The following TRPM2 variants were observed in gnomAD, a reference collection of about 807,000 sequenced individuals.
The protein encoded by TRPM2 is transient receptor potential cation channel subfamily M member 2, also known as estrogen-responsive element-associated gene 1 protein.
Under a neutral mutation model 174.0 loss-of-function variants are expected in TRPM2, and 161 were observed. The observed-to-expected ratio is 0.93, with a 90% CI of 0.81 to 1.05. The LOEUF (loss-of-function observed/expected upper bound fraction) is 1.05. Ranked by LOEUF, TRPM2 falls within the 50% of genes least tolerant of loss-of-function variation. The probability of loss-of-function intolerance (pLI) is 0.00; values close to 1 mark genes in which losing one functional copy is unlikely to be tolerated. For missense variants in TRPM2, 2,057 were observed against 2,038.0 expected (o/e 1.01, Z -0.18); for synonymous variants, 954 against 861.3 (o/e 1.11, Z -1.88).
Position 44,438,062 on chromosome 21 carries a change from T to C in TRPM2, c.4167+895T>C, listed in dbSNP as rs2051346517. ...TGGGAGTGTGTGTGCCACCACGGTG[T>C]GCAGGGCAGCAGTGCCACAAGGGCC... is the stretch of plus-strand genomic sequence containing the variant. On this transcript the variant is annotated intron_variant, in intron 29 of 31. Transcript: ENST00000397928. This position sits in a 1 kb window ranked among gnomAD's most constrained non-coding sequence, Gnocchi z 5.9. 6.6e-6 allele frequency among the ~76,000 whole-genome samples: 1 copy of C among 152,204 alleles called. No homozygotes were observed. Among genetic ancestry groups the C allele is most frequent in the African/African-American group, 2.4e-5 (1 of 41,460 alleles).
In TRPM2 at chr21:44,364,293, A is replaced by G. The variant is rs1361684606; in HGVS notation, c.423+11A>G. The G allele has an allele frequency of 1.2e-6, 2 of 1,613,430 alleles. No individual in the cohort carries two copies. Among genetic ancestry groups the G allele is most frequent in the Admixed American group, 1.7e-5 (1 of 59,990 alleles). Reference sequence around the variant, plus strand: ...CAGAAGGTGAAAAAGGTTGGTTTCCATCACTCTCGCTCTGAACTGTAGGTG... The same window carrying G: ...CAGAAGGTGAAAAAGGTTGGTTTCCGTCACTCTCGCTCTGAACTGTAGGTG... On this transcript the variant is annotated intron_variant, in intron 3 of 31. Transcript: ENST00000397928.
At chr21:44,375,444 G>T (rs976648186) in intron 5 of TRPM2, among the ~76,000 whole-genome samples, 1 of 152,294 alleles carries the variant, frequency 6.6e-6, no homozygotes, top group Non-Finnish European at 1.5e-5. Context: ...CAGCATTGTG[G>T]TCTCTCACGT....
intron 19 of TRPM2, among the ~76,000 whole-genome samples, chr21:44,408,088 G>A (rs985040288): frequency 1.3e-5 from 2 of 151,870 alleles, no homozygotes; most frequent in Non-Finnish European, 2.9e-5. Context: ...TGGGATTACA[G>A]GCACCTGCTA....
chr21:44,405,509 T>C (rs926470168), intron 17 of TRPM2, among the ~76,000 whole-genome samples: 4 of 152,188 alleles, frequency 2.6e-5, no homozygotes, highest in Non-Finnish European at 4.4e-5. Flanking sequence ...GGGCCATAGA[T>C]GGCAACCTCT....
rs2146160100 is a variant in TRPM2 at position 44,367,715 on chromosome 21, T to C, written c.604+781T>C. The stretch of plus-strand genomic sequence containing the variant: ...TAGAGTCACCCTGCTCTTCCTGGGG[T>C]CTGGGGTCTGGTCTTTGCCTCGCAG... On this transcript the variant is annotated intron_variant, in intron 4 of 31. Transcript: ENST00000397928. This position sits in a 1 kb window ranked among gnomAD's most constrained non-coding sequence, Gnocchi z 4.6. Among the ~76,000 whole-genome samples, 1 of 152,302 alleles carries C rather than the reference T, an allele frequency of 6.6e-6. No individual in the cohort carries two copies. The highest frequency in any genetic ancestry group is 1.9e-4 in the East Asian group (1 of 5,176).
intron 24 of TRPM2, chr21:44,425,206 T>G (rs2050711673): frequency 8.0e-6 from 4 of 499,872 alleles, no homozygotes; most frequent in Admixed American, 6.8e-5. Context: ...GCTCCCCACA[T>G]ACCGCACTGC....
Position 44,354,243 on chromosome 21 carries a change from T to A in TRPM2, c.165+378T>A, listed in dbSNP as rs1395876505. Among the ~76,000 whole-genome samples, 6 of 152,178 alleles carry A rather than the reference T, an allele frequency of 3.9e-5. No homozygotes were observed. Among genetic ancestry groups the A allele is most frequent in the Non-Finnish European group, 7.4e-5 (5 of 68,026 alleles). Reference sequence around the variant, plus strand: ...AGCCCTGGATACAAAGACACAAGTATGTTGAAAGCACATGGCATCTTGCAG... The same window carrying A: ...AGCCCTGGATACAAAGACACAAGTAAGTTGAAAGCACATGGCATCTTGCAG... On this transcript the variant is annotated intron_variant, in intron 1 of 31. Coordinates refer to ENST00000397928, the MANE Select transcript of TRPM2 (RefSeq NM_003307.4). The surrounding 1 kb of genome is among the most constrained non-coding windows in gnomAD (Gnocchi z 4.3).
At chr21:44,425,981 A>G (rs528490829) in intron 25 of TRPM2, among the ~76,000 whole-genome samples, 154 bp downstream of exon 25, 6 of 152,130 alleles carry the variant, frequency 3.9e-5, no homozygotes, top group African/African-American at 1.4e-4. Flanking sequence ...TTGACATTTG[A>G]GGAAACCGAG....
rs35288229 is a variant in TRPM2, at chr21:44,400,313, C to T, written c.2263C>T (p.Arg755Cys). The change falls in exon 15 of 32, where the codon CGT becomes TGT. Residue 755 changes from arginine (R) to cysteine (C), a missense_variant. Transcript: ENST00000397928. Reference sequence around the variant, plus strand: ...GCTCTCCGTGGACAATGGGCTGTGGCGTGTGACCCTGTGCATGCTGGCCTT... The same window carrying T: ...GCTCTCCGTGGACAATGGGCTGTGGTGTGTGACCCTGTGCATGCTGGCCTT... ...GQLSVDNGLWRVTLCMLAFPL... is the reference protein window; with the variant it reads ...GQLSVDNGLWCVTLCMLAFPL... 0.051 allele frequency: 82,235 copies of T among 1,612,656 alleles called. 2,430 individuals are homozygous for T. Among genetic ancestry groups the T allele is most frequent in the Non-Finnish European group, 0.058 (68,643 of 1,179,792 alleles).
rs370748277 is a variant in TRPM2, at chr21:44,375,814, C to T, written c.772-19C>T. ...AGAGCTTTCCAGAAGCAGTGTCTGACGCTTCCTGGCCATCCCAGGGCAGCT... is the reference window on the plus strand; with the variant it reads ...AGAGCTTTCCAGAAGCAGTGTCTGATGCTTCCTGGCCATCCCAGGGCAGCT... On this transcript the variant is annotated intron_variant, in intron 5 of 31. Coordinates refer to ENST00000397928, the MANE Select transcript of TRPM2 (RefSeq NM_003307.4). 204 of 1,600,282 alleles carry T rather than the reference C, an allele frequency of 1.3e-4. No individual in the cohort carries two copies. The highest frequency in any genetic ancestry group is 1.7e-4 in the Middle Eastern group (1 of 5,996).
rs555530836 is a variant in TRPM2 at position 44,439,322 on chromosome 21, G to A, written c.4269+154G>A. 9.9e-5 allele frequency among the ~76,000 whole-genome samples: 15 copies of A among 152,186 alleles called. No homozygotes were observed. The East Asian group carries it at 1.7e-3, about 18-fold the overall frequency. ...CGGTGGTCCCAGCCCCTGCCCCCAC[G>A]TTGCACAGCTCCCAGAGGACCCGGA... On this transcript the variant is annotated intron_variant, in intron 30 of 31. Coordinates refer to ENST00000397928, the MANE Select transcript of TRPM2 (RefSeq NM_003307.4). This position sits in a 1 kb window ranked among gnomAD's most constrained non-coding sequence, Gnocchi z 5.1.
chr21:44,437,696 G>T (rs768153830), intron 29 of TRPM2, among the ~76,000 whole-genome samples: 1 of 152,192 alleles, frequency 6.6e-6, no homozygotes, highest in Admixed American at 6.5e-5. Context: ...AGGCTGGAGC[G>T]CACCCCAGCA....
intron 16 of TRPM2, among the ~76,000 whole-genome samples, chr21:44,402,750 T>C (rs2049667685): frequency 6.6e-6 from 1 of 152,120 alleles, no homozygotes; most frequent in Admixed American, 6.5e-5. Context: ...CCTTACTGTG[T>C]GGGGTCTCCA....
In TRPM2 at chr21:44,379,005, C is replaced by T; in HGVS notation, c.1023C>T (p.Asp341=). ...CCCCACCTGCCTTGCAGACCATCGA[C>T]AACGCCACCACCAACGGCACCCCCT... ...EGGPGTLHTI[D]NATTNGTPCV... Residue 341 remains aspartate (D), a synonymous_variant, in exon 8 of 32, where the codon GAC becomes GAT. Coordinates refer to ENST00000397928, the MANE Select transcript of TRPM2 (RefSeq NM_003307.4). The T allele has an allele frequency of 6.2e-7, 1 of 1,605,788 alleles. No homozygotes were observed. The highest frequency in any genetic ancestry group is 1.1e-5 in the South Asian group (1 of 91,070).
chr21:44,426,048 G>C (rs2050757978), intron 25 of TRPM2, among the ~76,000 whole-genome samples: 1 of 152,170 alleles, frequency 6.6e-6, no homozygotes, highest in Non-Finnish European at 1.5e-5. Context: ...AGGGGCCTGA[G>C]GGGGGCACAC....
rs1261915004 is a variant in TRPM2 at position 44,426,977 on chromosome 21, G to A, written c.3873-33G>A. Reference sequence around the variant, plus strand: ...TCTGCTCTGTCCCACCTGCAACACGGGCACACAGACACGCCTTCTCCTCTG... The same window carrying A: ...TCTGCTCTGTCCCACCTGCAACACGAGCACACAGACACGCCTTCTCCTCTG... On this transcript the variant is annotated intron_variant, in intron 26 of 31. Coordinates refer to ENST00000397928, the MANE Select transcript of TRPM2 (RefSeq NM_003307.4). 5 of 1,554,016 alleles carry A rather than the reference G, an allele frequency of 3.2e-6. No individual in the cohort carries two copies. In the African/African-American group the frequency reaches 6.8e-5, roughly 21 times the overall value.
intron 8 of TRPM2, 99 bp downstream of exon 8, chr21:44,379,296 A>T (rs1310102966): frequency 7.1e-7 from 1 of 1,409,606 alleles, no homozygotes. Context: ...CGATGCGGAG[A>T]ACCCACTGGG....
intron 12 of TRPM2, among the ~76,000 whole-genome samples, chr21:44,397,317 G>A (rs973017751): frequency 2.6e-5 from 4 of 152,104 alleles, no homozygotes; most frequent in South Asian, 2.1e-4. Context: ...GATTACAGGC[G>A]TAAGCCACTG....
intron 9 of TRPM2, among the ~76,000 whole-genome samples, chr21:44,387,609 C>A (rs1716468510): frequency 6.6e-6 from 1 of 152,024 alleles, no homozygotes; most frequent in South Asian, 2.1e-4. Flanking sequence ...AGTAAAAAGG[C>A]AACCCATGGA....
Sources: allele counts gnomAD v4.1 joint callset (sites outside exome capture counted in the v4.1 genomes callset), GRCh38; gene constraint gnomAD v4.1.1; non-coding constraint Gnocchi (gnomAD v3.1); transcripts MANE v1.5; gene names NCBI Gene and HGNC (gene_info 2026-07-23, HGNC 2026-07-21).